The following ANKS1B variants were observed in gnomAD, a reference collection of about 807,000 sequenced individuals.
ANKS1B encodes the protein ankyrin repeat and sterile alpha motif domain containing 1B.
A neutral mutation model predicts 148.3 loss-of-function variants in ANKS1B; 36 were observed. The observed-to-expected ratio is 0.24, with a 90% CI of 0.19 to 0.32. ANKS1B has a LOEUF of 0.32. ANKS1B is among the 10% of genes least tolerant of loss of function. The probability of loss-of-function intolerance (pLI) is 1.00; values close to 1 mark genes in which losing one functional copy is unlikely to be tolerated. For synonymous variants in ANKS1B, 542 were observed against 560.8 expected (o/e 0.97, Z 0.47); for missense variants, 1,157 against 1,542.6 (o/e 0.75, Z 4.19).
intron 12 of ANKS1B, among the ~76,000 whole-genome samples, chr12:99,387,482 G>C (rs1471254528): frequency 6.6e-6 from 1 of 152,140 alleles, no homozygotes; most frequent in Admixed American, 6.5e-5. Flanking sequence ...CAAGTGTGGT[G>C]GTGCGTGCCT....
chr12:99,666,622 C>T (rs2098508331), intron 8 of ANKS1B, among the ~76,000 whole-genome samples: 2 of 152,082 alleles, frequency 1.3e-5, no homozygotes, highest in South Asian at 4.2e-4. Flanking sequence ...AGGTCTTGCA[C>T]ATATCTTGTT....
intron 15 of ANKS1B, among the ~76,000 whole-genome samples, chr12:99,096,069 A>G (rs573195078): frequency 6.6e-6 from 1 of 152,350 alleles, no homozygotes; most frequent in East Asian, 1.9e-4. Flanking sequence ...AGTTTTACAT[A>G]AACCTGGTAT....
intron 9 of ANKS1B, among the ~76,000 whole-genome samples, chr12:99,644,177 A>G (rs1302676050): frequency 6.6e-6 from 1 of 152,188 alleles, no homozygotes; most frequent in African/African-American, 2.4e-5. Context: ...GCACATAACC[A>G]TAGAATATAA....
chr12:99,938,783 T>C (rs1297186895), intron 1 of ANKS1B, among the ~76,000 whole-genome samples: 2 of 152,166 alleles, frequency 1.3e-5, no homozygotes, highest in Non-Finnish European at 2.9e-5. Context: ...TGCTAATTCC[T>C]GCCTTGTACA....
intron 17 of ANKS1B, among the ~76,000 whole-genome samples, chr12:99,004,432 T>C (rs895892058): frequency 2.0e-5 from 3 of 152,178 alleles, no homozygotes. Flanking sequence ...AAGCACTAGA[T>C]AGGGATAAAT....
chr12:99,488,416 G>A (rs1409047637), intron 10 of ANKS1B, among the ~76,000 whole-genome samples: 1 of 151,896 alleles, frequency 6.6e-6, no homozygotes, highest in Non-Finnish European at 1.5e-5. Context: ...TATTCTTTTA[G>A]TCTTCATTAT....
intron 10 of ANKS1B, among the ~76,000 whole-genome samples, chr12:99,451,355 C>G (rs1293791110): frequency 6.6e-6 from 1 of 152,122 alleles, no homozygotes; most frequent in Non-Finnish European, 1.5e-5. Flanking sequence ...ATGTAACAAA[C>G]AGTTTAAGTA....
At chr12:99,127,539 C>T (rs1033778313) in intron 15 of ANKS1B, among the ~76,000 whole-genome samples, 6 of 152,200 alleles carry the variant, frequency 3.9e-5, no homozygotes, top group African/African-American at 1.2e-4. Context: ...GTGTAATGTT[C>T]GCTTTAAACA....
At chr12:99,484,027 C>A (rs920352389) in intron 10 of ANKS1B, among the ~76,000 whole-genome samples, 41 of 150,858 alleles carry the variant, frequency 2.7e-4, no homozygotes, top group Admixed American at 1.7e-3. Flanking sequence ...TATCTTTTTT[C>A]TTCTGCTAGC....
At position 99,622,967 on chromosome 12, in the gene ANKS1B, C is replaced by T. The variant is rs140705589; in HGVS notation, c.1272+32100G>A. On this transcript the variant is annotated intron_variant, in intron 9 of 26. Transcript: ENST00000683438. The stretch of plus-strand genomic sequence containing the variant: ...TAACATAAAAGTAAAAACTACAGGC[C>T]AATATCCTTGCCAAACATAGATGTA... 4.3e-4 allele frequency among the ~76,000 whole-genome samples: 66 copies of T among 152,104 alleles called. No homozygotes were observed. In the East Asian group the frequency reaches 0.012, roughly 28 times the overall value.
intron 17 of ANKS1B, among the ~76,000 whole-genome samples, chr12:98,850,947 A>C (rs543917450): frequency 8.5e-5 from 13 of 152,214 alleles, no homozygotes; most frequent in Non-Finnish European, 1.9e-4. Flanking sequence ...CTAATATGCA[A>C]AACACTAAAG....
intron 17 of ANKS1B, among the ~76,000 whole-genome samples, chr12:98,917,169 C>G (rs2099795514): frequency 6.6e-6 from 1 of 152,158 alleles, no homozygotes. Flanking sequence ...CTATGCCACC[C>G]AGGCTGGTCA....
intron 1 of ANKS1B, among the ~76,000 whole-genome samples, chr12:99,842,546 T>A (rs1260347504): frequency 6.6e-6 from 1 of 152,142 alleles, no homozygotes; most frequent in Non-Finnish European, 1.5e-5. Context: ...CCTCAGGTGA[T>A]ACCTGGTCAC....
At chr12:98,919,689 CT>C (rs1175638416) in intron 17 of ANKS1B, among the ~76,000 whole-genome samples, 2 of 152,052 alleles carry the variant, frequency 1.3e-5, no homozygotes, top group Non-Finnish European at 2.9e-5. Context: ...TTTTTCTTTT[CT>C]TTTTTAGTTT....
intron 4 of ANKS1B, among the ~76,000 whole-genome samples, chr12:99,786,681 A>G (rs2065040998): frequency 6.6e-6 from 1 of 152,232 alleles, no homozygotes; most frequent in Admixed American, 6.5e-5. Flanking sequence ...AATGTAGAAT[A>G]AAGTGGTCCT....
intron 12 of ANKS1B, among the ~76,000 whole-genome samples, chr12:99,366,453 G>C (rs2092774285): frequency 1.3e-5 from 2 of 151,996 alleles, no homozygotes; most frequent in Admixed American, 1.3e-4. Flanking sequence ...ATATCCCTGT[G>C]TTGTAAACCT....
intron 11 of ANKS1B, among the ~76,000 whole-genome samples, chr12:99,402,250 T>C (rs921750385): frequency 6.8e-6 from 1 of 146,252 alleles, no homozygotes; most frequent in Admixed American, 6.8e-5. Flanking sequence ...AATGATGTAG[T>C]TGAAAGATGA....
chr12:99,913,524 C>A (rs1242080580), intron 1 of ANKS1B, among the ~76,000 whole-genome samples: 1 of 151,976 alleles, frequency 6.6e-6, no homozygotes, highest in African/African-American at 2.4e-5. Context: ...TCTTTCATCA[C>A]GCTAACAAGA....
intron 8 of ANKS1B, among the ~76,000 whole-genome samples, chr12:99,771,109 C>T (rs1381571243): frequency 6.6e-6 from 1 of 152,086 alleles, no homozygotes. Context: ...AAGCTTGAAT[C>T]ATGGTCTCCA....
Sources: allele counts gnomAD v4.1 joint callset (sites outside exome capture counted in the v4.1 genomes callset), GRCh38; gene constraint gnomAD v4.1.1; transcripts MANE v1.5; gene names NCBI Gene and HGNC (gene_info 2026-07-23, HGNC 2026-07-21).